Variants in KCNK13 observed in about 807,000 individuals in gnomAD.
KCNK13 encodes potassium channel subfamily K member 13.
Under a neutral mutation model 23.4 loss-of-function variants are expected in KCNK13, and 12 were observed. That is an observed-to-expected ratio of 0.51 (90% CI 0.33 to 0.83). The LOEUF (loss-of-function observed/expected upper bound fraction) is 0.83. Ranked by LOEUF, KCNK13 falls within the 40% of genes least tolerant of loss-of-function variation. The probability of loss-of-function intolerance (pLI) is 0.02; values close to 1 mark genes in which losing one functional copy is unlikely to be tolerated. For missense variants in KCNK13, 463 were observed against 556.3 expected, an observed-to-expected ratio of 0.83 and a Z score of 1.69; for synonymous variants, 231 against 229.5, an observed-to-expected ratio of 1.01 and a Z score of -0.06.
At chr14:90,104,773 G>T (rs1417194519) in intron 1 of KCNK13, among the ~76,000 whole-genome samples, 1 of 147,476 alleles carries the variant, frequency 6.8e-6, no homozygotes, top group Admixed American at 6.8e-5. Flanking sequence ...TTGGGGATCA[G>T]CTACTTTCTT....
intron 1 of KCNK13, among the ~76,000 whole-genome samples, chr14:90,085,776 ATATT>A (rs1359452420): frequency 9.3e-6 from 1 of 107,388 alleles, no homozygotes; most frequent in African/African-American, 3.7e-5. Flanking sequence ...TAAATTATAT[ATATT>A]ATATATTATA....
chr14:90,147,074 AG>A (rs1437423355), intron 1 of KCNK13, among the ~76,000 whole-genome samples: 1 of 152,212 alleles, frequency 6.6e-6, no homozygotes, highest in African/African-American at 2.4e-5. Flanking sequence ...ATATAATACA[AG>A]TATCTTAAGA....
At chr14:90,170,602 G>T (rs780792448) in intron 1 of KCNK13, among the ~76,000 whole-genome samples, 5 of 152,134 alleles carry the variant, frequency 3.3e-5, no homozygotes. Flanking sequence ...GATTTTGAGG[G>T]CTTCAAATCT....
chr14:90,074,501 C>T (rs946232524), intron 1 of KCNK13, among the ~76,000 whole-genome samples: 2 of 152,226 alleles, frequency 1.3e-5, no homozygotes, highest in African/African-American at 4.8e-5. Flanking sequence ...CTCTGTTAAG[C>T]TCTTTAACTC....
At chr14:90,090,367 T>TA (rs1402001369) in intron 1 of KCNK13, among the ~76,000 whole-genome samples, 1 of 152,244 alleles carries the variant, frequency 6.6e-6, no homozygotes, top group Non-Finnish European at 1.5e-5. Context: ...ATGGGGCCTG[T>TA]AACCCCTTTA....
rs756718797 is a variant in KCNK13, at chr14:90,062,338, C to G, written c.133C>G (p.His45Asp). 2 of 1,555,514 alleles carry G rather than the reference C, an allele frequency of 1.3e-6. No individual in the cohort carries two copies. The highest frequency in any genetic ancestry group is 4.8e-5 in the East Asian group (2 of 41,542). ...CGTCTTCTCCGCGCTGGAGCTGGCGCACGAGCGCCAGGCCAAGCAGCGCTG... is the reference window on the plus strand; with the variant it reads ...CGTCTTCTCCGCGCTGGAGCTGGCGGACGAGCGCCAGGCCAAGCAGCGCTG... ...AAVFSALELA[H>D]ERQAKQRWEE... The change falls in exon 1 of 2, where the codon CAC becomes GAC. Residue 45 changes from histidine (H) to aspartate (D), a missense_variant. Transcript: ENST00000282146. The surrounding 1 kb of genome is among the most constrained non-coding windows in gnomAD (Gnocchi z 4.5).
intron 1 of KCNK13, among the ~76,000 whole-genome samples, chr14:90,088,481 TCAGGCGCCTTTCC>T (rs1289037001): frequency 6.6e-6 from 1 of 152,228 alleles, no homozygotes; most frequent in East Asian, 1.9e-4. Context: ...CAGTCAGCTC[TCAGGCGCCTTTCC>T]CAGCCAGCTC....
chr14:90,126,028 A>C (rs982670697), intron 1 of KCNK13, among the ~76,000 whole-genome samples: 3 of 152,214 alleles, frequency 2.0e-5, no homozygotes, highest in African/African-American at 7.2e-5. Context: ...CTATTTAAAA[A>C]AAAAAAAAAG....
rs1596789735 is a variant in KCNK13 at position 90,127,702 on chromosome 14, C to T, written c.335-56409C>T. On this transcript the variant is annotated intron_variant, in intron 1 of 1. Coordinates refer to ENST00000282146, the MANE Select transcript of KCNK13 (RefSeq NM_022054.4). Reference sequence around the variant, plus strand: ...GGGGCAGTAATGTGCTCCTGTAGTCCCAACTACTCATAAGGCTGAGGCGGG... The same window carrying T: ...GGGGCAGTAATGTGCTCCTGTAGTCTCAACTACTCATAAGGCTGAGGCGGG... Among the ~76,000 whole-genome samples the T allele has an allele frequency of 3.3e-5, 5 of 150,450 alleles. No individual in the cohort carries two copies. In the South Asian group the frequency reaches 1.1e-3, roughly 32 times the overall value.
chr14:90,062,484 G>T lies in KCNK13; in HGVS notation c.279G>T (p.Pro93=), dbSNP rs781015736. ...GCATCCGCGTGGACAACGTCCGCCC[G>T]CGCTGGGACTTCACCGGCGCCTTCT... The part of the protein sequence containing the change: ...RAGIRVDNVR[P]RWDFTGAFYF... Residue 93 remains proline, a synonymous_variant, in exon 1 of 2, where the codon CCG becomes CCT. Coordinates refer to ENST00000282146, the MANE Select transcript of KCNK13 (RefSeq NM_022054.4). The surrounding 1 kb of genome is among the most constrained non-coding windows in gnomAD (Gnocchi z 4.5). The T allele has an allele frequency of 1.8e-5, 28 of 1,542,734 alleles. No homozygotes were observed. The East Asian group carries it at 6.8e-4, about 38-fold the overall frequency.
At chr14:90,123,263 T>G (rs1333782942) in intron 1 of KCNK13, among the ~76,000 whole-genome samples, 5 of 152,164 alleles carry the variant, frequency 3.3e-5, no homozygotes, top group African/African-American at 1.2e-4. Flanking sequence ...TTTCCTACAG[T>G]TCTGAAGGCT....
chr14:90,146,424 T>A (rs1378515115), intron 1 of KCNK13, among the ~76,000 whole-genome samples: 1 of 152,142 alleles, frequency 6.6e-6, no homozygotes, highest in African/African-American at 2.4e-5. Flanking sequence ...CAAGCGATTC[T>A]CCTGTCTCAG....
chr14:90,105,189 T>C (rs1889530259), intron 1 of KCNK13, among the ~76,000 whole-genome samples: 1 of 152,160 alleles, frequency 6.6e-6, no homozygotes, highest in Admixed American at 6.5e-5. Context: ...AGCAGCACCG[T>C]GTCTCTCATT....
At chr14:90,092,911 C>CAAAAAA (rs1889365545) in intron 1 of KCNK13, among the ~76,000 whole-genome samples, 1 of 42,840 alleles carries the variant, frequency 2.3e-5, no homozygotes, top group Admixed American at 2.3e-4. Flanking sequence ...GACCCTGTCT[C>CAAAAAA]CAAAAAAAAA....
At chr14:90,148,440 A>T (rs949975238) in intron 1 of KCNK13, among the ~76,000 whole-genome samples, 2 of 152,248 alleles carry the variant, frequency 1.3e-5, no homozygotes, top group Admixed American at 6.5e-5. Flanking sequence ...AGATCATTTC[A>T]TATGGATAAT....
chr14:90,139,928 C>T (rs1223450138), intron 1 of KCNK13, among the ~76,000 whole-genome samples: 1 of 152,174 alleles, frequency 6.6e-6, no homozygotes, highest in African/African-American at 2.4e-5. Flanking sequence ...CACCACTGCC[C>T]TCCAGCCTGG....
intron 1 of KCNK13, among the ~76,000 whole-genome samples, chr14:90,082,354 C>T (rs978255509): frequency 5.3e-5 from 8 of 151,980 alleles, no homozygotes; most frequent in Admixed American, 1.3e-4. Context: ...CATGAGCCAC[C>T]GTGCCTGGCC....
chr14:90,109,759 A>G (rs1381237776), intron 1 of KCNK13, among the ~76,000 whole-genome samples: 1 of 149,412 alleles, frequency 6.7e-6, no homozygotes, highest in East Asian at 2.0e-4. Flanking sequence ...CCCAGGCTGG[A>G]GTGCAATGGT....
In KCNK13 at chr14:90,062,588, T is replaced by A. The variant is rs1380538388; in HGVS notation, c.334+49T>A. 7.3e-7 allele frequency: 1 copy of A among 1,363,148 alleles called. No homozygotes were observed. Among genetic ancestry groups the A allele is most frequent in the African/African-American group, 1.5e-5 (1 of 66,004 alleles). The allele number at this position is 1,363,148 out of a possible 1,614,324, so 84.4% of individuals were successfully genotyped here. A position where few individuals can be genotyped will look rare whatever the true frequency, so the allele number is the denominator to read the frequency against. On this transcript the variant is annotated intron_variant, in intron 1 of 1. Coordinates refer to ENST00000282146, the MANE Select transcript of KCNK13 (RefSeq NM_022054.4). The surrounding 1 kb of genome is among the most constrained non-coding windows in gnomAD (Gnocchi z 4.5). Reference sequence around the variant, plus strand: ...TGACAACCTCCGGGCGGCCTCCACTTCCTCCGGGGGGCAGGACCGACCCTC... The same window carrying A: ...TGACAACCTCCGGGCGGCCTCCACTACCTCCGGGGGGCAGGACCGACCCTC...
Sources: gnomAD v4.1 joint callset for allele counts (sites outside exome capture counted in the v4.1 genomes callset) on GRCh38, gnomAD v4.1.1 for gene constraint, Gnocchi (gnomAD v3.1) non-coding constraint, MANE v1.5 for transcripts, NCBI Gene and HGNC (gene_info 2026-07-23, HGNC 2026-07-21) for gene names.